Variants in ZNF117 observed in about 807,000 individuals in gnomAD.
The protein encoded by ZNF117 is zinc finger protein 117, also known as Krueppel-related zinc finger protein.
A neutral mutation model predicts 41.2 loss-of-function variants in ZNF117; 37 were observed. That is an observed-to-expected ratio of 0.90 (90% CI 0.69 to 1.18). ZNF117 has a LOEUF of 1.18. Among genes scored for constraint, ZNF117 ranks in the 50% most tolerant of loss-of-function variants. The probability of loss-of-function intolerance (pLI) is 0.00; values close to 1 mark genes in which losing one functional copy is unlikely to be tolerated. For missense variants in ZNF117, 546 were observed against 557.5 expected (o/e 0.98, Z 0.21); for synonymous variants, 186 against 186.6 (o/e 1.00, Z 0.02).
upstream of ZNF117, among the ~76,000 whole-genome samples, chr7:64,983,977 A>T (rs141534789): frequency 2.2e-3 from 330 of 152,362 alleles, no homozygotes; most frequent in African/African-American, 7.6e-3. Context: ...CCCAAATTGC[A>T]CAGCTACTCT....
exon 3 of ZNF117, chr7:64,978,434 A>T: frequency 6.2e-7 from 1 of 1,613,372 alleles, no homozygotes; most frequent in South Asian, 1.1e-5. Flanking sequence ...GGATTATCTT[A>T]TGTGTATTAA....
chr7:64,973,200 C>T (rs896459361), downstream of ZNF117: 3 of 151,852 alleles, frequency 2.0e-5, no homozygotes, highest in Admixed American at 6.6e-5. Context: ...AATATCATTC[C>T]AAATATCAAA....
Position 64,979,412 on chromosome 7 carries a change from A to ACAGCCT in ZNF117, c.153_158dup (p.Gly52_Cys53insTer). 1 of 1,610,728 alleles carries ACAGCCT rather than the reference A, an allele frequency of 6.2e-7. No individual in the cohort carries two copies. The highest frequency in any genetic ancestry group is 8.5e-7 in the Non-Finnish European group (1 of 1,178,578). On this transcript the variant is annotated stop_gained, in exon 3 of 3. Transcript: ENST00000620222. LOFTEE classifies it high-confidence loss of function. ...GCTGTTTACACTCAACCACACTTTT[A>ACAGCCT]CAGCCTTTTCTTAACTGTAAATTCT...
At chr7:64,978,821 T>C (rs548867168) in exon 3 of ZNF117, 1 of 1,613,572 alleles carries the variant, frequency 6.2e-7, no homozygotes, top group East Asian at 2.2e-5. Flanking sequence ...ATTCTTCACA[T>C]TCATAACGTT....
chr7:64,984,069 G>A (rs894456178), upstream of ZNF117, among the ~76,000 whole-genome samples: 1 of 152,174 alleles, frequency 6.6e-6, no homozygotes, highest in African/African-American at 2.4e-5. Flanking sequence ...CATCTCTGCT[G>A]CTCTCTCTTC....
At chr7:64,983,354 C>T (rs888960669), upstream of ZNF117, among the ~76,000 whole-genome samples, 1 of 151,780 alleles carries the variant, frequency 6.6e-6, no homozygotes, top group Non-Finnish European at 1.5e-5. Context: ...GAGATTTCTA[C>T]GTGGCATATA....
downstream of ZNF117, chr7:64,974,001 T>C (rs572602517): frequency 2.6e-4 from 40 of 152,078 alleles, no homozygotes; most frequent in African/African-American, 9.6e-4. Context: ...GCCACATATA[T>C]ATATAAAAAC....
intron 2 of ZNF117, 132 bp downstream of exon 3, chr7:64,981,255 T>TAA: frequency 2.6e-6 from 3 of 1,132,120 alleles, no homozygotes; most frequent in Non-Finnish European, 2.5e-6. Context: ...GAGAGAAAAA[T>TAA]AAAAAAAAAC....
At chr7:64,975,493 T>C (rs979789429) in exon 3 of ZNF117, 2 of 151,956 alleles carry the variant, frequency 1.3e-5, no homozygotes, top group Admixed American at 6.6e-5. Flanking sequence ...TACTCTTCCA[T>C]AGAAAAGGTA....
exon 3 of ZNF117, chr7:64,978,211 A>C (rs1306501482): frequency 6.2e-7 from 1 of 1,613,056 alleles, no homozygotes; most frequent in Non-Finnish European, 8.5e-7. Flanking sequence ...GATTGGTTAA[A>C]AGCTTTGCCA....
exon 3 of ZNF117, chr7:64,977,271 T>C (rs1200972035): frequency 1.2e-5 from 5 of 411,398 alleles, no homozygotes; most frequent in Non-Finnish European, 1.9e-5. Flanking sequence ...GTCTGTAAGG[T>C]TTGAAGATCG....
chr7:64,989,335 G>C (rs1786201831), intron 1 of ZNF117, among the ~76,000 whole-genome samples: 1 of 149,964 alleles, frequency 6.7e-6, no homozygotes, highest in Non-Finnish European at 1.5e-5. Context: ...AAATGAGGTT[G>C]GAATAACTAG....
At chr7:64,979,511 G>C (rs370677181) in exon 3 of ZNF117, 65 of 1,510,864 alleles carry the variant, frequency 4.3e-5, no homozygotes, top group Non-Finnish European at 5.6e-5. Flanking sequence ...CTGGCCAAAG[G>C]TGTTGGGCAA....
upstream of ZNF117, among the ~76,000 whole-genome samples, chr7:64,986,711 G>GT (rs1209483798): frequency 1.1e-4 from 16 of 152,162 alleles, no homozygotes; most frequent in East Asian, 3.1e-3. Context: ...AGGTGGGTTT[G>GT]TGTGACCCAG....
At chr7:64,981,131 C>G in intron 2 of ZNF117, 1 of 450,260 alleles carries the variant, frequency 2.2e-6, no homozygotes. Context: ...ATTGTGCAGT[C>G]TTTTATATCC....
At chr7:64,978,695 A>T (rs751058219) in exon 3 of ZNF117, 47 of 1,612,986 alleles carry the variant, frequency 2.9e-5, no homozygotes, top group Admixed American at 1.3e-4. Context: ...TATGTGTAGT[A>T]AGGGTTGAGG....
At chr7:64,984,624 A>G (rs1278402750), upstream of ZNF117, among the ~76,000 whole-genome samples, 1 of 152,182 alleles carries the variant, frequency 6.6e-6, no homozygotes, top group African/African-American at 2.4e-5. Flanking sequence ...TGTCATACTA[A>G]TATTACTGTA....
At chr7:64,979,376 A>C in exon 3 of ZNF117, 1 of 1,606,746 alleles carries the variant, frequency 6.2e-7, no homozygotes, top group Non-Finnish European at 8.5e-7. Flanking sequence ...GTCCACTATA[A>C]TCTCCTTTGT....
At chr7:64,978,634 C>T (rs769707019) in exon 3 of ZNF117, 3 of 1,612,552 alleles carry the variant, frequency 1.9e-6, no homozygotes, top group Non-Finnish European at 2.5e-6. Context: ...TGTTTAAAAG[C>T]TTTGCCACAT....
Sources: allele counts gnomAD v4.1 joint callset (sites outside exome capture counted in the v4.1 genomes callset), GRCh38; gene constraint gnomAD v4.1.1; transcripts MANE v1.5; gene names NCBI Gene and HGNC (gene_info 2026-07-23, HGNC 2026-07-21).